The following HIBADH variants were observed in gnomAD, a reference collection of about 807,000 sequenced individuals.
The protein encoded by HIBADH is 3-hydroxyisobutyrate dehydrogenase, mitochondrial.
HIBADH carries 25 observed loss-of-function variants against 36.1 expected under a neutral mutation model. That is an observed-to-expected ratio of 0.69 (90% CI 0.50 to 0.97). The LOEUF is 0.97. HIBADH is among the 50% of genes least tolerant of loss of function. HIBADH has a pLI of 0.00. For synonymous variants in HIBADH, 160 were observed against 149.5 expected (o/e 1.07, Z -0.51); for missense variants, 421 against 418.0 (o/e 1.01, Z -0.06).
chr7:27,619,209 A>C (rs1785493307), intron 4 of HIBADH, among the ~76,000 whole-genome samples: 1 of 152,242 alleles, frequency 6.6e-6, no homozygotes, highest in South Asian at 2.1e-4. Flanking sequence ...AGCTATTTAC[A>C]GCCAAGGAAA....
chr7:27,526,125 G>A lies in HIBADH; in HGVS notation c.*89C>T. On this transcript the variant is annotated 3_prime_UTR_variant, in exon 8 of 8. Transcript: ENST00000265395. ...AATCAAAAGCAGATAGGTGACCTTT[G>A]ATTAAATCCATTTACTTGTGGAGTG... is the stretch of plus-strand genomic sequence containing the variant. 1.7e-6 allele frequency: 2 copies of A among 1,149,814 alleles called. No homozygotes were observed. The highest frequency in any genetic ancestry group is 2.9e-5 in the Admixed American group (1 of 33,998). 71.2% of individuals were successfully genotyped at this position (1,149,814 alleles called of 1,614,324 possible). A position where few individuals can be genotyped will look rare whatever the true frequency, so the allele number is the denominator to read the frequency against.
chr7:27,621,647 C>A (rs1785545205), intron 4 of HIBADH, among the ~76,000 whole-genome samples: 1 of 151,996 alleles, frequency 6.6e-6, no homozygotes, highest in Non-Finnish European at 1.5e-5. Context: ...CAAAAATGAG[C>A]CAGGTGTGGC....
rs536190303 is a variant in HIBADH at position 27,660,582 on chromosome 7, G to T, written c.91+2116C>A. 1.1e-4 allele frequency among the ~76,000 whole-genome samples: 17 copies of T among 152,104 alleles called. No individual in the cohort carries two copies. In the South Asian group the frequency reaches 3.1e-3, roughly 28 times the overall value. Reference sequence around the variant, plus strand: ...CCGGAGGCTGAGGCAGGAGAATGGCGTGAACCTGGGAGGCGGAGCTTGCAG... The same window carrying T: ...CCGGAGGCTGAGGCAGGAGAATGGCTTGAACCTGGGAGGCGGAGCTTGCAG... On this transcript the variant is annotated intron_variant, in intron 1 of 7. Transcript: ENST00000265395.
intron 5 of HIBADH, chr7:27,541,883 T>C (rs1001600161): frequency 3.1e-5 from 9 of 292,636 alleles, no homozygotes; most frequent in African/African-American, 2.1e-4. Context: ...TGCTCAATAC[T>C]TGTAACACTT....
At chr7:27,655,674 A>C (rs1194286429) in intron 1 of HIBADH, among the ~76,000 whole-genome samples, 2 of 152,200 alleles carry the variant, frequency 1.3e-5, no homozygotes, top group Non-Finnish European at 2.9e-5. Context: ...ATAACTTTAC[A>C]ATCTGGAAGA....
At chr7:27,605,475 T>C (rs1481329024) in intron 4 of HIBADH, among the ~76,000 whole-genome samples, 1 of 90,930 alleles carries the variant, frequency 1.1e-5, no homozygotes, top group East Asian at 3.8e-4. Context: ...TTTTTTTTTT[T>C]ACAAGACCCA....
At chr7:27,603,923 G>A (rs1164286335) in intron 4 of HIBADH, among the ~76,000 whole-genome samples, 4 of 152,010 alleles carry the variant, frequency 2.6e-5, no homozygotes, top group African/African-American at 9.7e-5. Context: ...ACTTTCTGTA[G>A]TACTTTCTCT....
At chr7:27,638,308 C>CAAAAAAAAAAAAAAAAAA (rs368715218) in intron 2 of HIBADH, among the ~76,000 whole-genome samples, 22 of 55,454 alleles carry the variant, frequency 4.0e-4, no homozygotes, top group African/African-American at 5.2e-4. Flanking sequence ...TTGGCAAAGT[C>CAAAAAAAAAAAAAAAAAA]AAAAAAAAAA....
At chr7:27,546,687 G>C (rs1290384982) in intron 4 of HIBADH, among the ~76,000 whole-genome samples, 1 of 152,136 alleles carries the variant, frequency 6.6e-6, no homozygotes, top group Non-Finnish European at 1.5e-5. Context: ...ATAGTGAATG[G>C]GAAAGACAAG....
At chr7:27,553,998 T>C (rs1342847884) in intron 4 of HIBADH, among the ~76,000 whole-genome samples, 1 of 151,958 alleles carries the variant, frequency 6.6e-6, no homozygotes, top group Non-Finnish European at 1.5e-5. Flanking sequence ...GTATGTTTGT[T>C]TGTGTTTATG....
chr7:27,568,303 G>A (rs998888757), intron 4 of HIBADH, among the ~76,000 whole-genome samples: 2 of 151,838 alleles, frequency 1.3e-5, no homozygotes, highest in African/African-American at 4.8e-5. Flanking sequence ...GCATATTTTT[G>A]TCACATATAA....
intron 2 of HIBADH, among the ~76,000 whole-genome samples, chr7:27,644,040 A>G (rs1357470832): frequency 6.6e-6 from 1 of 152,234 alleles, no homozygotes; most frequent in Non-Finnish European, 1.5e-5. Flanking sequence ...TAGAACTTGA[A>G]TATATCTTTT....
intron 4 of HIBADH, among the ~76,000 whole-genome samples, chr7:27,594,057 TAAAA>T (rs934099784): frequency 2.0e-5 from 3 of 147,298 alleles, no homozygotes; most frequent in African/African-American, 7.5e-5. Flanking sequence ...AATAAATAAA[TAAAA>T]TAATACCAGC....
chr7:27,538,419 T>A lies in HIBADH; in HGVS notation c.619-2A>T. ...CATGTTGTTGCAGATCTTTGCCGCC[T>A]GAAAATAAATTGAGTACATATTAAA... On this transcript the variant is annotated splice_acceptor_variant, in intron 5 of 7. Coordinates refer to ENST00000265395, the MANE Select transcript of HIBADH (RefSeq NM_152740.4). LOFTEE classifies it high-confidence loss of function. 1 of 1,611,542 alleles carries A rather than the reference T, an allele frequency of 6.2e-7. No individual in the cohort carries two copies. Among genetic ancestry groups the A allele is most frequent in the Non-Finnish European group, 8.5e-7 (1 of 1,178,172 alleles).
At chr7:27,581,110 G>A (rs1318121244) in intron 4 of HIBADH, among the ~76,000 whole-genome samples, 5 of 152,172 alleles carry the variant, frequency 3.3e-5, no homozygotes, top group Non-Finnish European at 7.4e-5. Flanking sequence ...GGAAAAGAAT[G>A]AATGGACTAA....
At chr7:27,620,568 T>TGAA in intron 4 of HIBADH, among the ~76,000 whole-genome samples, 1 of 150,562 alleles carries the variant, frequency 6.6e-6, no homozygotes, top group South Asian at 2.1e-4. Flanking sequence ...TGTTCACAAA[T>TGAA]GAAGAAGAAA....
intron 4 of HIBADH, among the ~76,000 whole-genome samples, chr7:27,611,560 CAT>C (rs1785322375): frequency 6.6e-6 from 1 of 151,942 alleles, no homozygotes; most frequent in African/African-American, 2.4e-5. Context: ...GACTAAACAA[CAT>C]GAGACATTAA....
intron 1 of HIBADH, among the ~76,000 whole-genome samples, chr7:27,654,313 T>C (rs1421029107): frequency 1.3e-5 from 2 of 151,918 alleles, no homozygotes; most frequent in African/African-American, 4.8e-5. Context: ...GGGCAGAAAA[T>C]ATGTGTGAAG....
At chr7:27,537,066 G>C (rs1296254741) in intron 6 of HIBADH, among the ~76,000 whole-genome samples, 2 of 152,090 alleles carry the variant, frequency 1.3e-5, no homozygotes, top group Admixed American at 1.3e-4. Context: ...CAAGTTACTA[G>C]TAACCAGTTT....
Sources: allele counts gnomAD v4.1 joint callset (sites outside exome capture counted in the v4.1 genomes callset), GRCh38; gene constraint gnomAD v4.1.1; transcripts MANE v1.5; gene names NCBI Gene and HGNC (gene_info 2026-07-23, HGNC 2026-07-21).